P3H2: variants seen among roughly 807,000 people sequenced by gnomAD.
P3H2 encodes prolyl 3-hydroxylase 2.
A neutral mutation model predicts 87.0 loss-of-function variants in P3H2; 80 were observed. The observed-to-expected ratio is 0.92, with a 90% CI of 0.77 to 1.11. The LOEUF is 1.11. P3H2 is among the 50% of genes least tolerant of loss of function. The probability of loss-of-function intolerance (pLI) is 0.00; values close to 1 mark genes in which losing one functional copy is unlikely to be tolerated. For synonymous variants in P3H2, 367 were observed against 359.3 expected (o/e 1.02, Z -0.24); for missense variants, 1,001 against 923.9 (o/e 1.08, Z -1.08).
Position 190,042,633 on chromosome 3 carries a change from C to T in P3H2, c.481-47191G>A, listed in dbSNP as rs189406449. The stretch of plus-strand genomic sequence containing the variant: ...CGGAACAACCTTATGAATAAAAGTA[C>T]AGTATGTTCTACTTTGCATCATTTC... On this transcript the variant is annotated intron_variant, in intron 1 of 14. Transcript: ENST00000319332. Among the ~76,000 whole-genome samples, 162 of 152,238 alleles carry T rather than the reference C, an allele frequency of 1.1e-3. 4 individuals are homozygous for T. The East Asian group carries it at 0.028, about 26-fold the overall frequency.
intron 1 of P3H2, among the ~76,000 whole-genome samples, chr3:190,000,632 G>A (rs1560356278): frequency 6.6e-6 from 1 of 152,178 alleles, no homozygotes; most frequent in Non-Finnish European, 1.5e-5. Context: ...CCTAAAAGTT[G>A]AGAAGCCAGG....
Position 189,974,703 on chromosome 3 carries a change from A to G in P3H2, c.1325-18T>C, listed in dbSNP as rs1723296447. The G allele has an allele frequency of 6.2e-7, 1 of 1,614,190 alleles. No homozygotes were observed. On this transcript the variant is annotated intron_variant, in intron 8 of 14. Coordinates refer to ENST00000319332, the MANE Select transcript of P3H2 (RefSeq NM_018192.4). ...AGGACCACCTACAGGAACAGAGCACATTGTCTTCCCTGTTACCTCTGTCCC... is the reference window on the plus strand; with the variant it reads ...AGGACCACCTACAGGAACAGAGCACGTTGTCTTCCCTGTTACCTCTGTCCC...
chr3:190,007,959 G>GACACATACACACAC (rs1553875106), intron 1 of P3H2, among the ~76,000 whole-genome samples: 1 of 100,704 alleles, frequency 9.9e-6, no homozygotes, highest in African/African-American at 3.8e-5. Flanking sequence ...TCTATTTGTT[G>GACACATACACACAC]ACACACATAT....
chr3:190,100,807 C>A (rs1208940449), intron 1 of P3H2, among the ~76,000 whole-genome samples: 6 of 152,010 alleles, frequency 3.9e-5, no homozygotes, highest in Non-Finnish European at 7.4e-5. Context: ...TACAGGCATA[C>A]CGCTTCTGAT....
At chr3:190,105,144 CT>C (rs1422170128) in intron 1 of P3H2, among the ~76,000 whole-genome samples, 2 of 152,218 alleles carry the variant, frequency 1.3e-5, no homozygotes, top group African/African-American at 2.4e-5. Context: ...CAACATCACT[CT>C]GGTGCTTGCA....
intron 1 of P3H2, among the ~76,000 whole-genome samples, chr3:190,051,353 T>A (rs1719643): frequency 0.82 from 124,323 of 152,118 alleles, 51,000 homozygotes; most frequent in East Asian, 0.88. Context: ...CATAGAATTT[T>A]ATGGCATTAA....
intron 1 of P3H2, among the ~76,000 whole-genome samples, chr3:190,039,347 A>G (rs552338949): frequency 6.6e-6 from 1 of 152,230 alleles, no homozygotes; most frequent in African/African-American, 2.4e-5. Context: ...CACATATTCA[A>G]TTTTAATAAG....
chr3:189,957,433 C>G lies in P3H2; in HGVS notation c.*479G>C. The G allele has an allele frequency of 2.9e-6, 1 of 346,754 alleles. No individual in the cohort carries two copies. Among genetic ancestry groups the G allele is most frequent in the Admixed American group, 4.7e-5 (1 of 21,324 alleles). The allele number at this position is 346,754 out of a possible 1,614,324, so 21.5% of individuals were successfully genotyped here. ...TCTCTCTAAGCTTTTGAATTTGCAG[C>G]AACTTAATTGTGTGTGTGTGTGTGT... On this transcript the variant is annotated 3_prime_UTR_variant, in exon 15 of 15. Transcript: ENST00000319332.
chr3:190,010,145 T>C (rs996595190), intron 1 of P3H2, among the ~76,000 whole-genome samples: 2 of 152,200 alleles, frequency 1.3e-5, no homozygotes, highest in South Asian at 2.1e-4. Flanking sequence ...TATTCTACCA[T>C]TTAATTTACA....
At position 190,114,247 on chromosome 3, in the gene P3H2, C is replaced by A. The variant is rs555053852; in HGVS notation, c.480+6005G>T. 2.9e-3 allele frequency among the ~76,000 whole-genome samples: 429 copies of A among 148,578 alleles called. 3 individuals carry two copies. The highest frequency in any genetic ancestry group is 9.7e-3 in the African/African-American group (393 of 40,322). On this transcript the variant is annotated intron_variant, in intron 1 of 14. Coordinates refer to ENST00000319332, the MANE Select transcript of P3H2 (RefSeq NM_018192.4). ...CGCCCAGGCTGGAGTGCGGTGGCGC[C>A]ATCTCGGCTCACTGCAAGCTCCGCC...
chr3:190,102,723 G>C (rs1260081668), intron 1 of P3H2, among the ~76,000 whole-genome samples: 1 of 152,210 alleles, frequency 6.6e-6, no homozygotes, highest in Non-Finnish European at 1.5e-5. Context: ...CAGTGGCAGG[G>C]TTTGAGAGAA....
At chr3:190,059,405 A>G (rs1171674085) in intron 1 of P3H2, among the ~76,000 whole-genome samples, 1 of 152,102 alleles carries the variant, frequency 6.6e-6, no homozygotes, top group Non-Finnish European at 1.5e-5. Context: ...CAGCATTGTC[A>G]TACAACACTG....
chr3:190,120,692 G>A lies in P3H2; in HGVS notation c.40C>T (p.Leu14=). The A allele has an allele frequency of 6.6e-7, 1 of 1,520,746 alleles. No homozygotes were observed. The highest frequency in any genetic ancestry group is 8.8e-7 in the Non-Finnish European group (1 of 1,141,252). 94.2% of individuals were successfully genotyped at this position (1,520,746 alleles called of 1,614,324 possible). ...RIWAPPLLLL[L]PLLLPPPLWG... ...AGTGGCGGCGGCAGTAGCAGCGGCA[G>A]CAGCAGCAGCAGCGGCGGCGCCCAG... is the stretch of plus-strand genomic sequence containing the variant. Residue 14 remains leucine (L), a synonymous_variant, in exon 1 of 15, where the codon CTG becomes TTG. Coordinates refer to ENST00000319332, the MANE Select transcript of P3H2 (RefSeq NM_018192.4).
chr3:189,974,580 C>G lies in P3H2; in HGVS notation c.1430G>C (p.Arg477Pro). 2 of 1,613,976 alleles carry G rather than the reference C, an allele frequency of 1.2e-6. No homozygotes were observed. The highest frequency in any genetic ancestry group is 1.7e-6 in the Non-Finnish European group (2 of 1,180,036). ...LDNVLSEEQC[R>P]ELHSVASGIM... ...CACACTGGCCACGCTGTGGAGCTCC[C>G]GGCACTGTTCTTCCGACAGGACGTT... The change falls in exon 9 of 15, where the codon CGG becomes CCG. Residue 477 changes from arginine to proline, a missense_variant. By Grantham distance (103) the Arg-to-Pro change is moderately radical. Coordinates refer to ENST00000319332, the MANE Select transcript of P3H2 (RefSeq NM_018192.4).
Position 189,994,385 on chromosome 3 carries a change from T to C in P3H2, c.634-102A>G, listed in dbSNP as rs953129212. 1.3e-5 allele frequency: 12 copies of C among 913,446 alleles called. No individual in the cohort carries two copies. The East Asian group carries it at 3.1e-4, about 24-fold the overall frequency. The allele number at this position is 913,446 out of a possible 1,614,324, so 56.6% of individuals were successfully genotyped here. On this transcript the variant is annotated intron_variant, in intron 2 of 14. Coordinates refer to ENST00000319332, the MANE Select transcript of P3H2 (RefSeq NM_018192.4). ...GGGTTTTTGTTGACTCAGGATCATC[T>C]AGGTAGATGGGGTACTGGATGCTTC... is the stretch of plus-strand genomic sequence containing the variant.
At chr3:190,119,299 C>T (rs1712438717) in intron 1 of P3H2, among the ~76,000 whole-genome samples, 1 of 151,908 alleles carries the variant, frequency 6.6e-6, no homozygotes, top group South Asian at 2.1e-4. Flanking sequence ...CCAAAGCTTC[C>T]ACTTTTCCGG....
intron 1 of P3H2, among the ~76,000 whole-genome samples, chr3:190,052,019 TA>T (rs1426622714): frequency 6.6e-6 from 1 of 152,212 alleles, no homozygotes; most frequent in African/African-American, 2.4e-5. Flanking sequence ...TCTTTCCTGG[TA>T]ACGAATATCC....
rs114120423 is a variant in P3H2 at position 190,013,208 on chromosome 3, C to A, written c.481-17766G>T. Among the ~76,000 whole-genome samples the A allele has an allele frequency of 7.7e-3, 1,170 of 152,274 alleles. 20 individuals are homozygous for A. The highest frequency in any genetic ancestry group is 0.027 in the African/African-American group (1,124 of 41,540). Reference sequence around the variant, plus strand: ...TTGGGAGGGCTACACAGTAAATACACATGACAATGATCAGGTGATGAGTCA... The same window carrying A: ...TTGGGAGGGCTACACAGTAAATACAAATGACAATGATCAGGTGATGAGTCA... On this transcript the variant is annotated intron_variant, in intron 1 of 14. Coordinates refer to ENST00000319332, the MANE Select transcript of P3H2 (RefSeq NM_018192.4).
intron 1 of P3H2, among the ~76,000 whole-genome samples, chr3:190,057,490 T>C (rs912040838): frequency 1.3e-5 from 2 of 152,184 alleles, no homozygotes; most frequent in East Asian, 3.8e-4. Flanking sequence ...GCCTACCATC[T>C]ACCAGTGTTA....
Sources: gnomAD v4.1 joint callset for allele counts (sites outside exome capture counted in the v4.1 genomes callset) on GRCh38, gnomAD v4.1.1 for gene constraint, MANE v1.5 for transcripts, NCBI Gene and HGNC (gene_info 2026-07-23, HGNC 2026-07-21) for gene names.